The following AQR variants were observed in gnomAD, a reference collection of about 807,000 sequenced individuals.
AQR encodes the protein RNA helicase aquarius.
A neutral mutation model predicts 180.5 loss-of-function variants in AQR; 61 were observed. The observed-to-expected ratio is 0.34, with a 90% CI of 0.28 to 0.42. AQR has a LOEUF of 0.42. Ranked by LOEUF, AQR falls within the 10% of genes least tolerant of loss-of-function variation. The pLI, the probability that AQR is intolerant of heterozygous loss-of-function variation, is 1.00. For missense variants in AQR, 1,281 were observed against 1,798.3 expected (o/e 0.71, Z 5.20); for synonymous variants, 551 against 588.8 (o/e 0.94, Z 0.93).
Position 34,855,847 on chromosome 15 carries a change from T to G in AQR, c.*945A>C, listed in dbSNP as rs1364976717. ...CACAAATCATACTTGAGTAGCAAGG[T>G]CCCAGGTACCTCTGCCTTCCCATAT... On this transcript the variant is annotated 3_prime_UTR_variant, in exon 35 of 35. Coordinates refer to ENST00000156471, the MANE Select transcript of AQR (RefSeq NM_014691.3). 6.6e-6 allele frequency: 1 copy of G among 152,178 alleles called. No homozygotes were observed. Among genetic ancestry groups the G allele is most frequent in the Non-Finnish European group, 1.5e-5 (1 of 68,016 alleles). 9.4% of individuals were successfully genotyped at this position (152,178 alleles called of 1,614,324 possible). A position where few individuals can be genotyped will look rare whatever the true frequency, so the allele number is the denominator to read the frequency against.
In AQR at chr15:34,852,746, A is replaced by T. The variant is rs1368186989; in HGVS notation, c.*4046T>A. On this transcript the variant is annotated 3_prime_UTR_variant, in exon 35 of 35. Coordinates refer to ENST00000156471, the MANE Select transcript of AQR (RefSeq NM_014691.3). ...CTGTTTCCCAAACTTATCTGACCAT[A>T]GAACATATTTCTCAGAGTATTTTTC... The T allele has an allele frequency of 6.6e-6, 1 of 152,244 alleles. No homozygotes were observed. Among genetic ancestry groups the T allele is most frequent in the Non-Finnish European group, 1.5e-5 (1 of 68,040 alleles). The allele number at this position is 152,244 out of a possible 1,614,324, so 9.4% of individuals were successfully genotyped here. A position where few individuals can be genotyped will look rare whatever the true frequency, so the allele number is the denominator to read the frequency against.
chr15:34,926,710 T>A (rs1893770073), intron 13 of AQR, among the ~76,000 whole-genome samples: 2 of 152,372 alleles, frequency 1.3e-5, no homozygotes, highest in African/African-American at 2.4e-5. Flanking sequence ...ACACCTCTAA[T>A]ATCACACATA....
intron 15 of AQR, among the ~76,000 whole-genome samples, chr15:34,916,751 CA>C (rs972365008): frequency 2.2e-4 from 33 of 151,704 alleles, no homozygotes; most frequent in African/African-American, 8.0e-4. Context: ...AGCCTCTGCA[CA>C]AGGTGGTACT....
chr15:34,932,606 C>A (rs151222926), intron 10 of AQR, among the ~76,000 whole-genome samples, 172 bp from the exon 11 acceptor site: 2 of 152,122 alleles, frequency 1.3e-5, no homozygotes, highest in African/African-American at 4.8e-5. Flanking sequence ...TAAATAAACC[C>A]AGTGGCAATG....
In AQR at chr15:34,933,726, G is replaced by A. The variant is rs191650613; in HGVS notation, c.783+845C>T. ...CCCATGATAGATGAGTCAGTCATTTGAAAACCTGAAGGGCCAATTACTTGT... is the reference window on the plus strand; with the variant it reads ...CCCATGATAGATGAGTCAGTCATTTAAAAACCTGAAGGGCCAATTACTTGT... On this transcript the variant is annotated intron_variant, in intron 10 of 34. Transcript: ENST00000156471. 1.6e-3 allele frequency among the ~76,000 whole-genome samples: 251 copies of A among 152,292 alleles called. 1 individual carries two copies. Among genetic ancestry groups the A allele is most frequent in the Non-Finnish European group, 2.2e-3 (148 of 68,024 alleles).
chr15:34,931,547 C>T (rs1275325411), intron 11 of AQR, among the ~76,000 whole-genome samples: 1 of 152,160 alleles, frequency 6.6e-6, no homozygotes, highest in African/African-American at 2.4e-5. Context: ...GTGGTTCACG[C>T]CTGTAATCCT....
At chr15:34,917,319 T>A (rs1893610065) in intron 15 of AQR, among the ~76,000 whole-genome samples, 1 of 152,224 alleles carries the variant, frequency 6.6e-6, no homozygotes, top group Admixed American at 6.5e-5. Context: ...TCACATTTCT[T>A]CTACTAATGA....
rs1049799876 is a variant in AQR at position 34,962,147 on chromosome 15, A to T, written c.133-1333T>A. Reference sequence around the variant, plus strand: ...AACTATCCTCCAGCCGCAGCCTCCCAAATAGCTGGGACCACAGGCATACAC... The same window carrying T: ...AACTATCCTCCAGCCGCAGCCTCCCTAATAGCTGGGACCACAGGCATACAC... On this transcript the variant is annotated intron_variant, in intron 2 of 34. Coordinates refer to ENST00000156471, the MANE Select transcript of AQR (RefSeq NM_014691.3). Among the ~76,000 whole-genome samples, 17 of 150,780 alleles carry T rather than the reference A, an allele frequency of 1.1e-4. 1 individual carries two copies. The highest frequency in any genetic ancestry group is 4.2e-4 in the African/African-American group (17 of 40,928).
intron 12 of AQR, among the ~76,000 whole-genome samples, chr15:34,929,755 A>G (rs1893822983): frequency 1.3e-5 from 2 of 152,232 alleles, no homozygotes; most frequent in Non-Finnish European, 2.9e-5. Flanking sequence ...TTAAACAGAA[A>G]TAGCTGGATT....
chr15:34,927,643 T>C (rs1022707442), intron 12 of AQR, among the ~76,000 whole-genome samples: 2 of 152,170 alleles, frequency 1.3e-5, no homozygotes, highest in Non-Finnish European at 2.9e-5. Flanking sequence ...ACAGAAATAG[T>C]AGTATTGCAC....
chr15:34,892,966 G>A (rs1893172902), intron 23 of AQR, among the ~76,000 whole-genome samples: 1 of 152,078 alleles, frequency 6.6e-6, no homozygotes, highest in Admixed American at 6.5e-5. Context: ...AAAAGTCAGG[G>A]ACCATCTATA....
At chr15:34,930,422 A>G (rs758455951) in intron 11 of AQR, 51 bp from the exon 12 acceptor site, 5 of 1,026,246 alleles carry the variant, frequency 4.9e-6, no homozygotes, top group Non-Finnish European at 7.6e-6. Flanking sequence ...AGGGCAAGAA[A>G]GCACAATACT....
At chr15:34,912,065 C>A (rs1326471555) in intron 16 of AQR, among the ~76,000 whole-genome samples, 1 of 152,104 alleles carries the variant, frequency 6.6e-6, no homozygotes, top group Non-Finnish European at 1.5e-5. Flanking sequence ...TTGGCACATG[C>A]ATCGAAGATT....
Position 34,876,465 on chromosome 15 carries a change from G to A in AQR, c.3166-459C>T, listed in dbSNP as rs534384418. Among the ~76,000 whole-genome samples, 223 of 152,064 alleles carry A rather than the reference G, an allele frequency of 1.5e-3. 2 individuals carry two copies. The highest frequency in any genetic ancestry group is 5.0e-3 in the African/African-American group (209 of 41,512). ...CAATTCACTTCAGTCTCACCCCTGG[G>A]CATTCAATCCATCACCAGAGCATGT... On this transcript the variant is annotated intron_variant, in intron 27 of 34. Transcript: ENST00000156471.
intron 9 of AQR, among the ~76,000 whole-genome samples, chr15:34,935,520 G>A (rs1380088003): frequency 6.6e-6 from 1 of 152,162 alleles, no homozygotes; most frequent in Non-Finnish European, 1.5e-5. Flanking sequence ...TATTTGTAGT[G>A]TACAGGAAAA....
At chr15:34,899,529 C>A (rs1292460283) in intron 20 of AQR, among the ~76,000 whole-genome samples, 1 of 151,700 alleles carries the variant, frequency 6.6e-6, no homozygotes, top group African/African-American at 2.4e-5. Context: ...TAGGCACACA[C>A]CAATCTTGCT....
rs1893644743 is a variant in AQR, at chr15:34,919,231, T to C, written c.1222-853A>G. Among the ~76,000 whole-genome samples the C allele has an allele frequency of 4.4e-5, 5 of 112,394 alleles. No homozygotes were observed. The Admixed American group carries it at 4.9e-4, about 11-fold the overall frequency. The allele number at this position is 112,394 out of a possible 152,430, so 73.7% of individuals were successfully genotyped here. On this transcript the variant is annotated intron_variant, in intron 14 of 34. Transcript: ENST00000156471. ...TCCAGCCTGGGGGACAGAGTGAGAC[T>C]CCATCTCAAAAAAAAAAAAAAAAGA...
At position 34,874,676 on chromosome 15, in the gene AQR, C is replaced by CCTTGCT; in HGVS notation, c.3420_3425dup (p.Arg1140_Ala1141dup). On this transcript the variant is annotated inframe_insertion and splice_region_variant. Coordinates refer to ENST00000156471, the MANE Select transcript of AQR (RefSeq NM_014691.3). ...ATGATTTTTTTTCCTGTCTCTTTTACCTTGCTCTGGCTCTCCCTTGAGCAT... is the reference window on the plus strand; with the variant it reads ...ATGATTTTTTTTCCTGTCTCTTTTACCTTGCTCTTGCTCTGGCTCTCCCTTGAGCAT... 2 of 1,612,648 alleles carry CCTTGCT rather than the reference C, an allele frequency of 1.2e-6. No homozygotes were observed. The highest frequency in any genetic ancestry group is 1.7e-6 in the Non-Finnish European group (2 of 1,179,320).
At position 34,854,938 on chromosome 15, in the gene AQR, A is replaced by C. The variant is rs1892567793; in HGVS notation, c.*1854T>G. On this transcript the variant is annotated 3_prime_UTR_variant, in exon 35 of 35. Transcript: ENST00000156471. The stretch of plus-strand genomic sequence containing the variant: ...CTTTCCCTTGCTTGGCCTGATACCA[A>C]ATATTTACAAATGAAAATAATTCTA... The C allele has an allele frequency of 6.6e-6, 1 of 152,202 alleles. No individual in the cohort carries two copies. The highest frequency in any genetic ancestry group is 2.1e-4 in the South Asian group (1 of 4,832). The allele number at this position is 152,202 out of a possible 1,614,324, so 9.4% of individuals were successfully genotyped here.
Sources: allele counts gnomAD v4.1 joint callset (sites outside exome capture counted in the v4.1 genomes callset), GRCh38; gene constraint gnomAD v4.1.1; transcripts MANE v1.5; gene names NCBI Gene and HGNC (gene_info 2026-07-23, HGNC 2026-07-21).